DNAH14: variants seen among roughly 807,000 people sequenced by gnomAD.
The protein encoded by DNAH14 is dynein axonemal heavy chain 14.
DNAH14 carries 478 observed loss-of-function variants against 520.9 expected under a neutral mutation model. The ratio of observed to expected loss-of-function variants is 0.92; its 90% CI spans 0.85 to 0.99. The LOEUF is 0.99. Among genes scored for constraint, DNAH14 ranks in the 50% least tolerant of loss-of-function variants. DNAH14 has a pLI of 0.00. For missense variants in DNAH14, 4,831 were observed against 5,234.5 expected (o/e 0.92, Z 2.38); for synonymous variants, 1,581 against 1,757.2 (o/e 0.90, Z 2.51).
Position 225,303,144 on chromosome 1 carries a change from A to G in DNAH14, c.8632-12A>G, listed in dbSNP as rs570250561. ...TTACATTTTAACAATTTATATTTTC[A>G]TTAATTTTCAGAGAATATATAAAAA... On this transcript the variant is annotated splice_polypyrimidine_tract_variant and intron_variant, in intron 56 of 85. Transcript: ENST00000682510. 1.7e-4 allele frequency: 250 copies of G among 1,437,070 alleles called. No individual in the cohort carries two copies. In the East Asian group the frequency reaches 2.4e-3, roughly 14 times the overall value. 89.0% of individuals were successfully genotyped at this position (1,437,070 alleles called of 1,614,324 possible).
chr1:225,181,392 A>G (rs981481623), intron 36 of DNAH14, among the ~76,000 whole-genome samples: 9 of 152,174 alleles, frequency 5.9e-5, no homozygotes, highest in Non-Finnish European at 1.2e-4. Flanking sequence ...TAGTTCTTTG[A>G]GACATCTCCA....
intron 43 of DNAH14, among the ~76,000 whole-genome samples, chr1:225,246,956 G>C (rs546127670): frequency 6.6e-6 from 1 of 152,292 alleles, no homozygotes; most frequent in Admixed American, 6.5e-5. Context: ...ATTCACAATA[G>C]CAAAGACTTG....
At chr1:225,116,794 A>G (rs2076902042) in intron 23 of DNAH14, among the ~76,000 whole-genome samples, 1 of 152,224 alleles carries the variant, frequency 6.6e-6, no homozygotes, top group Non-Finnish European at 1.5e-5. Flanking sequence ...TGAAGGGCAG[A>G]GTCAACAGTA....
Position 225,145,380 on chromosome 1 carries a change from G to C in DNAH14, c.4794+1G>C. On this transcript the variant is annotated splice_donor_variant, in intron 30 of 85. Coordinates refer to ENST00000682510, the MANE Select transcript of DNAH14 (RefSeq NM_001367479.1). LOFTEE classifies it high-confidence loss of function. The stretch of plus-strand genomic sequence containing the variant: ...CTGTTTTGAGGATTTGGATTATAAG[G>C]TAAACCTTAAACATATGTGTCAGGA... The C allele has an allele frequency of 6.5e-7, 1 of 1,544,726 alleles. No homozygotes were observed. Among genetic ancestry groups the C allele is most frequent in the Non-Finnish European group, 8.7e-7 (1 of 1,143,850 alleles).
chr1:224,968,021 C>T (rs1308584335), intron 6 of DNAH14: 13 of 890,544 alleles, frequency 1.5e-5, no homozygotes, highest in Non-Finnish European at 1.8e-5. Flanking sequence ...TATACAATTA[C>T]TTGTTTTAAT....
intron 36 of DNAH14, among the ~76,000 whole-genome samples, chr1:225,169,249 C>T (rs2082348316): frequency 1.3e-5 from 2 of 152,186 alleles, no homozygotes; most frequent in South Asian, 4.1e-4. Flanking sequence ...CTCTCCTCCT[C>T]CAAAGGAACG....
chr1:225,309,961 G>A (rs2094326484), intron 60 of DNAH14, among the ~76,000 whole-genome samples: 2 of 151,572 alleles, frequency 1.3e-5, no homozygotes, highest in South Asian at 4.2e-4. Context: ...CACCAGCATG[G>A]CACATGTATA....
At chr1:225,007,865 C>T (rs2064305695) in intron 10 of DNAH14, among the ~76,000 whole-genome samples, 1 of 151,582 alleles carries the variant, frequency 6.6e-6, no homozygotes, top group Non-Finnish European at 1.5e-5. Context: ...ACCTAGAAGG[C>T]CTGATAAAAC....
chr1:225,211,299 A>G (rs1357816963), intron 41 of DNAH14, among the ~76,000 whole-genome samples: 1 of 152,206 alleles, frequency 6.6e-6, no homozygotes, highest in Non-Finnish European at 1.5e-5. Flanking sequence ...ACCAGTTTAG[A>G]GAAGAAAATA....
At chr1:225,122,092 G>C (rs796677203) in intron 26 of DNAH14, among the ~76,000 whole-genome samples, 3 of 152,170 alleles carry the variant, frequency 2.0e-5, no homozygotes, top group African/African-American at 7.2e-5. Context: ...TAGAAAAAAA[G>C]TTCTGCCTTA....
intron 6 of DNAH14, 96 bp from the exon 7 acceptor site, chr1:224,968,663 A>G (rs1209924201): frequency 1.3e-6 from 1 of 778,666 alleles, no homozygotes; most frequent in Non-Finnish European, 1.9e-6. Flanking sequence ...AGAAGTTACA[A>G]GAAGTTATCA....
At chr1:225,380,443 T>C in intron 80 of DNAH14, 121 bp downstream of exon 80, 2 of 1,152,048 alleles carry the variant, frequency 1.7e-6, no homozygotes, top group Non-Finnish European at 2.4e-6. Context: ...TGAGATAAGA[T>C]GGAAAACTCA....
intron 23 of DNAH14, among the ~76,000 whole-genome samples, chr1:225,109,226 G>C (rs187780252): frequency 1.3e-5 from 2 of 152,138 alleles, no homozygotes; most frequent in Non-Finnish European, 2.9e-5. Flanking sequence ...ATAAATTTTA[G>C]GATAGTTTTT....
rs1463803939 is a variant in DNAH14 at position 225,232,194 on chromosome 1, CA to C, written c.6518+1044del. 1.3e-5 allele frequency among the ~76,000 whole-genome samples: 2 copies of C among 151,858 alleles called. No homozygotes were observed. Among genetic ancestry groups the C allele is most frequent in the African/African-American group, 4.8e-5 (2 of 41,358 alleles). ...TTTGTTCAACATTACATGTTTAGTT[CA>C]TTGTGCATATAGCTATTCTTATTTC... On this transcript the variant is annotated intron_variant, in intron 42 of 85. Coordinates refer to ENST00000682510, the MANE Select transcript of DNAH14 (RefSeq NM_001367479.1). This position sits in a 1 kb window ranked among gnomAD's most constrained non-coding sequence, Gnocchi z 4.2.
chr1:225,129,259 T>C (rs2078111774), intron 27 of DNAH14, among the ~76,000 whole-genome samples: 1 of 151,848 alleles, frequency 6.6e-6, no homozygotes, highest in African/African-American at 2.4e-5. Flanking sequence ...AATTTATAGA[T>C]TCAATGCCAT....
rs545709132 is a variant in DNAH14 at position 225,302,978 on chromosome 1, C to T, written c.8632-178C>T. Among the ~76,000 whole-genome samples, 11 of 152,274 alleles carry T rather than the reference C, an allele frequency of 7.2e-5. No individual in the cohort carries two copies. In the South Asian group the frequency reaches 1.2e-3, roughly 17 times the overall value. On this transcript the variant is annotated intron_variant, in intron 56 of 85. Transcript: ENST00000682510. ...TGTTCTGGGTCCAGTGCCTCCCCTA[C>T]TGTTAGTTTCCCTTGGAAGGGCTCT...
At chr1:225,002,088 C>G (rs544337537) in intron 8 of DNAH14, among the ~76,000 whole-genome samples, 6 of 152,066 alleles carry the variant, frequency 3.9e-5, no homozygotes, top group South Asian at 2.1e-4. Context: ...CTTGATAACC[C>G]TTAAAAATCA....
chr1:225,107,324 A>G (rs1298183453), intron 23 of DNAH14, among the ~76,000 whole-genome samples: 1 of 152,256 alleles, frequency 6.6e-6, no homozygotes, highest in Non-Finnish European at 1.5e-5. Context: ...GGGATCAGGG[A>G]CCCACTTGAG....
chr1:225,322,085 CT>C (rs3047035), intron 61 of DNAH14, among the ~76,000 whole-genome samples: 516 of 90,130 alleles, frequency 5.7e-3, no homozygotes, highest in African/African-American at 0.018. Flanking sequence ...TTTTTTCTTT[CT>C]TTTTTTTTTT....
Sources: allele counts gnomAD v4.1 joint callset (sites outside exome capture counted in the v4.1 genomes callset), GRCh38; gene constraint gnomAD v4.1.1; non-coding constraint Gnocchi (gnomAD v3.1); transcripts MANE v1.5; gene names NCBI Gene and HGNC (gene_info 2026-07-23, HGNC 2026-07-21).